The following NBAS variants were observed in gnomAD, a reference collection of about 807,000 sequenced individuals.
NBAS encodes the protein NAG/BC035112 fusion.
NBAS carries 219 observed loss-of-function variants against 302.5 expected under a neutral mutation model. That is an observed-to-expected ratio of 0.72 (90% CI 0.65 to 0.81). NBAS has a LOEUF of 0.81. Ranked by LOEUF, NBAS falls within the 30% of genes least tolerant of loss-of-function variation. The pLI, the probability that NBAS is intolerant of heterozygous loss-of-function variation, is 0.00. For missense variants in NBAS, 2,932 were observed against 2,841.6 expected, an observed-to-expected ratio of 1.03 and a Z score of -0.72; for synonymous variants, 1,118 against 1,021.6, an observed-to-expected ratio of 1.09 and a Z score of -1.80.
chr2:15,308,195 CT>C lies in NBAS; in HGVS notation c.4797+20del, dbSNP rs1671114325. 2 of 1,613,958 alleles carry C rather than the reference CT, an allele frequency of 1.2e-6. No homozygotes were observed. The highest frequency in any genetic ancestry group is 2.7e-5 in the African/African-American group (2 of 74,908). On this transcript the variant is annotated intron_variant, in intron 40 of 51. Transcript: ENST00000281513. ...AGGCTTAACTCTGCTCAATAATAAG[CT>C]GGAAATCATGAAGACTCACCCTGTA...
the NBAS span, among the ~76,000 whole-genome samples, chr2:14,832,241 C>A: frequency 1.3e-5 from 2 of 152,144 alleles, no homozygotes; most frequent in East Asian, 3.8e-4. Flanking sequence ...GAGCACCTGG[C>A]TAAATAGCAA....
At chr2:15,522,357 A>G (rs542164655) in intron 9 of NBAS, among the ~76,000 whole-genome samples, 4 of 152,312 alleles carry the variant, frequency 2.6e-5, no homozygotes, top group Middle Eastern at 3.4e-3. Flanking sequence ...ATAAATCTCA[A>G]GTTTTGGCCT....
intron 25 of NBAS, among the ~76,000 whole-genome samples, chr2:15,412,640 C>T (rs1446240784): frequency 6.6e-6 from 1 of 152,106 alleles, no homozygotes; most frequent in Non-Finnish European, 1.5e-5. Context: ...AACAAGGCTG[C>T]CTGCACAATT....
At chr2:15,106,999 G>A in the NBAS span, among the ~76,000 whole-genome samples, 1 of 151,956 alleles carries the variant, frequency 6.6e-6, no homozygotes, top group Non-Finnish European at 1.5e-5. Context: ...CTGCTTCCAG[G>A]GTCTGTTCCG....
chr2:15,467,380 G>A lies in NBAS; in HGVS notation c.2046C>T (p.Cys682=), dbSNP rs759831667. ...AGGTTAATAACTTCCGTCTACAACGGCAAAGTTCCTTTTGTTCCAGTGTCA... is the reference window on the plus strand; with the variant it reads ...AGGTTAATAACTTCCGTCTACAACGACAAAGTTCCTTTTGTTCCAGTGTCA... ...SKLTLEQKEL[C]RCRRKLLTYL... is the part of the protein sequence containing the mutation. The change falls in exon 19 of 52, where the codon TGC becomes TGT. Residue 682 remains cysteine, a synonymous_variant. Coordinates refer to ENST00000281513, the MANE Select transcript of NBAS (RefSeq NM_015909.4). 1.4e-5 allele frequency: 23 copies of A among 1,613,238 alleles called. No individual in the cohort carries two copies. The highest frequency in any genetic ancestry group is 1.4e-5 in the Non-Finnish European group (16 of 1,179,478).
intron 21 of NBAS, among the ~76,000 whole-genome samples, chr2:15,448,679 C>T (rs548663704): frequency 6.6e-6 from 1 of 152,288 alleles, no homozygotes; most frequent in Non-Finnish European, 1.5e-5. Flanking sequence ...ATGAAATAGG[C>T]ACACACTGAG....
At chr2:15,161,703 A>C in the NBAS span, among the ~76,000 whole-genome samples, 1 of 152,126 alleles carries the variant, frequency 6.6e-6, no homozygotes, top group Non-Finnish European at 1.5e-5. Flanking sequence ...CTTGAGCTCC[A>C]CCCAGCCAGG....
At chr2:15,053,661 G>A in the NBAS span, among the ~76,000 whole-genome samples, 1 of 151,994 alleles carries the variant, frequency 6.6e-6, no homozygotes, top group African/African-American at 2.4e-5. Flanking sequence ...AGACCCGGGG[G>A]GATCTCGGGG....
chr2:15,091,554 T>A, the NBAS span, among the ~76,000 whole-genome samples: 11,522 of 151,068 alleles, frequency 0.076, 1,484 homozygotes, highest in African/African-American at 0.26. Context: ...TTTTTTTGAG[T>A]TGGAGTCTTG....
Position 15,294,648 on chromosome 2 carries a change from G to A in NBAS, c.4798-1882C>T, listed in dbSNP as rs575845400. ...ATCTTCACCTGCTCAGCACTCTGGT[G>A]TGCACTGCCGTGGCCTGCTGCTCTT... On this transcript the variant is annotated intron_variant, in intron 40 of 51. Transcript: ENST00000281513. Among the ~76,000 whole-genome samples the A allele has an allele frequency of 4.6e-5, 7 of 152,288 alleles. No homozygotes were observed. The South Asian group carries it at 1.2e-3, about 27-fold the overall frequency.
the NBAS span, among the ~76,000 whole-genome samples, chr2:15,154,473 G>A: frequency 2.6e-5 from 4 of 152,182 alleles, no homozygotes; most frequent in Non-Finnish European, 5.9e-5. Context: ...TTGTTCTGTA[G>A]AGAGCTCTGA....
the NBAS span, among the ~76,000 whole-genome samples, chr2:14,947,364 A>T: frequency 6.6e-6 from 1 of 152,168 alleles, no homozygotes; most frequent in Non-Finnish European, 1.5e-5. Flanking sequence ...AAATACAAGG[A>T]ATCATCAGAG....
chr2:15,317,120 C>A (rs995867576), intron 38 of NBAS, among the ~76,000 whole-genome samples: 4 of 152,190 alleles, frequency 2.6e-5, no homozygotes, highest in African/African-American at 9.6e-5. Context: ...CTGGAGTGGA[C>A]CTCCAGCAAA....
chr2:15,315,573 C>T (rs1382193879), intron 38 of NBAS, among the ~76,000 whole-genome samples: 2 of 152,224 alleles, frequency 1.3e-5, no homozygotes, highest in Non-Finnish European at 2.9e-5. Flanking sequence ...TGGTCTCCAG[C>T]ACTGCACTCA....
intron 3 of NBAS, among the ~76,000 whole-genome samples, chr2:15,555,050 A>G (rs1229828336): frequency 6.6e-6 from 1 of 152,184 alleles, no homozygotes; most frequent in Admixed American, 6.5e-5. Context: ...TGAAATAGAA[A>G]AAAAATAAAT....
chr2:15,036,177 G>T, the NBAS span, among the ~76,000 whole-genome samples: 7 of 152,134 alleles, frequency 4.6e-5, no homozygotes, highest in Admixed American at 4.6e-4. Flanking sequence ...TTTTTAAATG[G>T]TATCTTGTCT....
intron 38 of NBAS, among the ~76,000 whole-genome samples, chr2:15,318,870 A>G (rs976584617): frequency 4.6e-5 from 7 of 152,208 alleles, no homozygotes; most frequent in Non-Finnish European, 1.0e-4. Flanking sequence ...GATATCCAGG[A>G]CTTGAAATCA....
chr2:15,108,352 A>T, the NBAS span, among the ~76,000 whole-genome samples: 2 of 152,086 alleles, frequency 1.3e-5, no homozygotes, highest in African/African-American at 4.8e-5. Context: ...ATAGAGGGTA[A>T]ATGACTTATC....
intron 35 of NBAS, among the ~76,000 whole-genome samples, chr2:15,341,557 TA>T (rs999662603): frequency 6.6e-6 from 1 of 151,916 alleles, no homozygotes; most frequent in South Asian, 2.1e-4. Context: ...TAACAATAGA[TA>T]AAAAACAAAA....
Sources: allele counts gnomAD v4.1 joint callset (sites outside exome capture counted in the v4.1 genomes callset), GRCh38; gene constraint gnomAD v4.1.1; transcripts MANE v1.5; gene names NCBI Gene and HGNC (gene_info 2026-07-23, HGNC 2026-07-21).